Variants in ALOX5AP observed in about 807,000 individuals in gnomAD.
The protein encoded by ALOX5AP is arachidonate 5-lipoxygenase activating protein.
ALOX5AP carries 9 observed loss-of-function variants against 18.5 expected under a neutral mutation model. That is an observed-to-expected ratio of 0.49 (90% CI 0.29 to 0.85). The LOEUF is 0.85. Among genes scored for constraint, ALOX5AP ranks in the 40% least tolerant of loss-of-function variants. The pLI is 0.08. For missense variants in ALOX5AP, 172 were observed against 202.5 expected (o/e 0.85, Z 0.91); for synonymous variants, 81 against 78.6 (o/e 1.03, Z -0.16).
chr13:30,757,402 C>G (rs1471273120), intron 4 of ALOX5AP, among the ~76,000 whole-genome samples: 1 of 152,198 alleles, frequency 6.6e-6, no homozygotes, highest in Admixed American at 6.5e-5. Context: ...CTTCATTCCT[C>G]TCTAGTGGCA....
intron 1 of ALOX5AP, among the ~76,000 whole-genome samples, chr13:30,741,391 CT>C (rs34793607): frequency 0.3 from 38,456 of 128,472 alleles, 5,296 homozygotes; most frequent in Non-Finnish European, 0.4. Flanking sequence ...CTTGTTTTGT[CT>C]TTTTTTTTTT....
At chr13:30,745,762 C>T (rs1348706887) in intron 2 of ALOX5AP, among the ~76,000 whole-genome samples, 3 of 152,224 alleles carry the variant, frequency 2.0e-5, no homozygotes, top group Non-Finnish European at 4.4e-5. Context: ...GCCTTGGACA[C>T]ATCCACATGC....
At chr13:30,716,725 C>G (rs1261502572) in intron 1 of ALOX5AP, among the ~76,000 whole-genome samples, 1 of 152,224 alleles carries the variant, frequency 6.6e-6, no homozygotes, top group Non-Finnish European at 1.5e-5. Context: ...ACACCAACTA[C>G]AAGTCAAGGG....
At chr13:30,753,423 C>T (rs899837056) in intron 3 of ALOX5AP, among the ~76,000 whole-genome samples, 4 of 152,132 alleles carry the variant, frequency 2.6e-5, no homozygotes, top group African/African-American at 9.7e-5. Context: ...TAGATGAATG[C>T]GGACTTGCTG....
At chr13:30,718,279 C>G (rs1951565475) in intron 1 of ALOX5AP, among the ~76,000 whole-genome samples, 1 of 151,530 alleles carries the variant, frequency 6.6e-6, no homozygotes, top group African/African-American at 2.4e-5. Flanking sequence ...GTTTTTGAGG[C>G]CTGCCTCTGA....
intron 1 of ALOX5AP, among the ~76,000 whole-genome samples, chr13:30,738,402 C>T (rs1487922110): frequency 6.6e-6 from 1 of 152,140 alleles, no homozygotes; most frequent in African/African-American, 2.4e-5. Context: ...CTTGGTTTCC[C>T]AGAGAATATA....
intron 2 of ALOX5AP, among the ~76,000 whole-genome samples, chr13:30,744,667 CA>C (rs1951794946): frequency 6.6e-6 from 1 of 152,210 alleles, no homozygotes; most frequent in African/African-American, 2.4e-5. Context: ...AGAATGGGGA[CA>C]TTAGCAGGTG....
At chr13:30,761,262 C>A (rs1951939266) in intron 4 of ALOX5AP, among the ~76,000 whole-genome samples, 1 of 152,230 alleles carries the variant, frequency 6.6e-6, no homozygotes. Flanking sequence ...CTGCGAGGGC[C>A]ACATGCCCTG....
intron 1 of ALOX5AP, among the ~76,000 whole-genome samples, chr13:30,736,136 C>A (rs1302488657): frequency 6.6e-6 from 1 of 151,988 alleles, no homozygotes; most frequent in Non-Finnish European, 1.5e-5. Context: ...TTGGGAGGTG[C>A]GTAGAAAAAA....
chr13:30,717,634 T>C (rs1016649511), intron 1 of ALOX5AP, among the ~76,000 whole-genome samples: 1 of 152,244 alleles, frequency 6.6e-6, no homozygotes, highest in African/African-American at 2.4e-5. Flanking sequence ...GATAAAGAGA[T>C]GCATAGGGCG....
chr13:30,725,992 G>T (rs965788807), intron 1 of ALOX5AP, among the ~76,000 whole-genome samples: 1 of 152,166 alleles, frequency 6.6e-6, no homozygotes, highest in Non-Finnish European at 1.5e-5. Flanking sequence ...TTCTCCCATT[G>T]TCAGGATTCA....
chr13:30,748,934 C>T (rs1187856307), intron 2 of ALOX5AP, among the ~76,000 whole-genome samples: 3 of 152,214 alleles, frequency 2.0e-5, no homozygotes, highest in Non-Finnish European at 4.4e-5. Flanking sequence ...ATGGCTAAAG[C>T]CACTTGAATT....
intron 2 of ALOX5AP, among the ~76,000 whole-genome samples, chr13:30,748,427 G>A (rs1421646442): frequency 6.6e-6 from 1 of 152,112 alleles, no homozygotes; most frequent in East Asian, 1.9e-4. Context: ...AGGGAATATA[G>A]CAACGAATTC....
At chr13:30,741,836 T>TTG (rs560061884) in intron 1 of ALOX5AP, among the ~76,000 whole-genome samples, 137 of 151,118 alleles carry the variant, frequency 9.1e-4, no homozygotes, top group African/African-American at 3.1e-3. Flanking sequence ...TTTCTGTTTT[T>TTG]TTTTTTTTTT....
At chr13:30,744,010 C>T (rs199508546) in intron 1 of ALOX5AP, 50 bp from the exon 2 acceptor site, 4 of 1,492,710 alleles carry the variant, frequency 2.7e-6, no homozygotes, top group Non-Finnish European at 3.7e-6. Context: ...AAGTAACAGG[C>T]TCCTGAACAT....
intron 1 of ALOX5AP, among the ~76,000 whole-genome samples, chr13:30,717,965 C>CT (rs60361280): frequency 0.64 from 91,483 of 144,034 alleles, 31,613 homozygotes; most frequent in Non-Finnish European, 0.77. Context: ...TTTATTTTTT[C>CT]TTTTTTTTTT....
In ALOX5AP at chr13:30,737,297, C is replaced by A. The variant is rs375181663; in HGVS notation, c.70+1622C>A. Among the ~76,000 whole-genome samples the A allele has an allele frequency of 2.6e-5, 4 of 152,212 alleles. No individual in the cohort carries two copies. In the South Asian group the frequency reaches 8.3e-4, roughly 32 times the overall value. On this transcript the variant is annotated intron_variant, in intron 1 of 4. Transcript: ENST00000380490. ...GAGCTCTCTGTTTCAAGGACAGGTT[C>A]TCCTCACCTCTCCTAATGGAGGTGC...
At chr13:30,714,771 C>G (rs557824437) in intron 1 of ALOX5AP, among the ~76,000 whole-genome samples, 1 of 152,158 alleles carries the variant, frequency 6.6e-6, no homozygotes, top group Non-Finnish European at 1.5e-5. Context: ...AAGCTTACGC[C>G]GTCACACCCT....
chr13:30,763,301 C>G (rs543679661), intron 4 of ALOX5AP, among the ~76,000 whole-genome samples: 1 of 152,266 alleles, frequency 6.6e-6, no homozygotes, highest in South Asian at 2.1e-4. Context: ...GAGTGAGACT[C>G]TATCTCAAAA....
Sources: allele counts gnomAD v4.1 joint callset (sites outside exome capture counted in the v4.1 genomes callset), GRCh38; gene constraint gnomAD v4.1.1; transcripts MANE v1.5; gene names NCBI Gene and HGNC (gene_info 2026-07-23, HGNC 2026-07-21).